Variants in SLC24A2 observed in about 807,000 individuals in gnomAD.
The protein encoded by SLC24A2 is solute carrier family 24 member 2.
In SLC24A2, 36 loss-of-function variants were observed where a neutral mutation model predicts 62.0. That is an observed-to-expected ratio of 0.58 (90% CI 0.44 to 0.77). The LOEUF is 0.77. Ranked by LOEUF, SLC24A2 falls within the 30% of genes least tolerant of loss-of-function variation. The pLI, the probability that SLC24A2 is intolerant of heterozygous loss-of-function variation, is 0.00. For missense variants in SLC24A2, 846 were observed against 817.9 expected (o/e 1.03, Z -0.42); for synonymous variants, 358 against 294.0 (o/e 1.22, Z -2.23).
chr9:20,101,898 A>C, the SLC24A2 span, among the ~76,000 whole-genome samples: 8,863 of 152,260 alleles, frequency 0.058, 371 homozygotes, highest in Middle Eastern at 0.12. Flanking sequence ...CAAACACTGG[A>C]GCCTAGGCCT....
At chr9:19,551,055 G>A (rs956986946) in intron 7 of SLC24A2, among the ~76,000 whole-genome samples, 3 of 152,000 alleles carry the variant, frequency 2.0e-5, no homozygotes, top group Non-Finnish European at 4.4e-5. Flanking sequence ...GTCTCCTAAG[G>A]AACATTAGGA....
intron 2 of SLC24A2, among the ~76,000 whole-genome samples, chr9:19,630,626 ACCAT>A (rs1818154795): frequency 3.3e-5 from 5 of 152,170 alleles, no homozygotes; most frequent in African/African-American, 1.2e-4. Flanking sequence ...TATCAACGGT[ACCAT>A]ATCAGTACCT....
At chr9:19,884,990 A>C in the SLC24A2 span, among the ~76,000 whole-genome samples, 1 of 152,194 alleles carries the variant, frequency 6.6e-6, no homozygotes, top group South Asian at 2.1e-4. Context: ...AGAGTGGACA[A>C]GGTTGGATGG....
chr9:20,061,568 T>G, the SLC24A2 span, among the ~76,000 whole-genome samples: 1 of 152,202 alleles, frequency 6.6e-6, no homozygotes, highest in African/African-American at 2.4e-5. Flanking sequence ...ATTACAGGCA[T>G]GACCCACTGC....
intron 2 of SLC24A2, among the ~76,000 whole-genome samples, chr9:19,779,724 G>T (rs138529387): frequency 9.2e-5 from 14 of 152,268 alleles, no homozygotes; most frequent in African/African-American, 3.1e-4. Flanking sequence ...TAATTTATGA[G>T]GCTTAAAAAA....
At chr9:19,738,716 A>G (rs1193637968) in intron 2 of SLC24A2, among the ~76,000 whole-genome samples, 1 of 152,182 alleles carries the variant, frequency 6.6e-6, no homozygotes, top group African/African-American at 2.4e-5. Context: ...GTTGTTTCCA[A>G]CTCTTGGCTA....
the SLC24A2 span, among the ~76,000 whole-genome samples, chr9:20,255,030 C>T: frequency 1.8e-4 from 27 of 152,138 alleles, no homozygotes; most frequent in Admixed American, 6.5e-5. Context: ...AAGGTCCTTC[C>T]CATTACACAT....
At chr9:19,647,068 GCA>G (rs142480390) in intron 2 of SLC24A2, among the ~76,000 whole-genome samples, 3,819 of 79,940 alleles carry the variant, frequency 0.048, 71 homozygotes, top group African/African-American at 0.11. Flanking sequence ...ACACACGCGC[GCA>G]CACACACACA....
the SLC24A2 span, among the ~76,000 whole-genome samples, chr9:20,003,239 A>G: frequency 4.8e-3 from 736 of 152,316 alleles, 39 homozygotes; most frequent in South Asian, 0.11. Flanking sequence ...AACTATGCCC[A>G]TGACCACAGG....
the SLC24A2 span, among the ~76,000 whole-genome samples, chr9:20,101,699 A>G: frequency 2.0e-5 from 3 of 152,314 alleles, no homozygotes; most frequent in East Asian, 5.8e-4. Context: ...AGGACATTAT[A>G]ACTGCTGATG....
the SLC24A2 span, among the ~76,000 whole-genome samples, chr9:20,002,105 A>G: frequency 6.6e-6 from 1 of 152,214 alleles, no homozygotes; most frequent in Non-Finnish European, 1.5e-5. Context: ...TGATGAATCC[A>G]CAAGGATTGT....
chr9:19,959,230 A>G, the SLC24A2 span, among the ~76,000 whole-genome samples: 1 of 152,212 alleles, frequency 6.6e-6, no homozygotes, highest in Non-Finnish European at 1.5e-5. Context: ...GGAAAGAAGA[A>G]AAGACAATGT....
the SLC24A2 span, among the ~76,000 whole-genome samples, chr9:20,178,165 A>G: frequency 6.6e-6 from 1 of 152,210 alleles, no homozygotes; most frequent in Non-Finnish European, 1.5e-5. Context: ...TGAACTGTTC[A>G]GAGTGAAACC....
At chr9:20,275,821 C>T in the SLC24A2 span, among the ~76,000 whole-genome samples, 5 of 152,156 alleles carry the variant, frequency 3.3e-5, no homozygotes, top group Admixed American at 2.6e-4. Context: ...GAAGGAGGAG[C>T]AAAGGCACAT....
the SLC24A2 span, among the ~76,000 whole-genome samples, chr9:19,978,818 C>T: frequency 6.6e-6 from 1 of 151,874 alleles, no homozygotes. Flanking sequence ...AAGAAAGGAA[C>T]AAAGCTAGAA....
chr9:19,707,725 C>G (rs1256773165), intron 2 of SLC24A2, among the ~76,000 whole-genome samples: 1 of 152,154 alleles, frequency 6.6e-6, no homozygotes. Context: ...TTAAAACTCT[C>G]AATAAATTAG....
chr9:20,297,207 A>G, the SLC24A2 span, among the ~76,000 whole-genome samples: 2 of 152,186 alleles, frequency 1.3e-5, no homozygotes, highest in Non-Finnish European at 2.9e-5. Context: ...TGTGCCAGTC[A>G]GACTGTCCAG....
chr9:20,019,155 A>AAGAAAGAAAGAAAGAGAGAG, the SLC24A2 span, among the ~76,000 whole-genome samples: 30 of 117,184 alleles, frequency 2.6e-4, no homozygotes, highest in Non-Finnish European at 3.9e-4. Context: ...GAAAGAAAGA[A>AAGAAAGAAAGAAAGAGAGAG]AGAGAGAGAG....
intron 2 of SLC24A2, among the ~76,000 whole-genome samples, chr9:19,683,194 G>A (rs141640250): frequency 2.0e-5 from 3 of 152,164 alleles, no homozygotes; most frequent in Middle Eastern, 3.4e-3. Flanking sequence ...CTGTAAGTGC[G>A]GCGAGGTAAA....
Sources: gnomAD v4.1 joint callset for allele counts (sites outside exome capture counted in the v4.1 genomes callset) on GRCh38, gnomAD v4.1.1 for gene constraint, MANE v1.5 for transcripts, NCBI Gene and HGNC (gene_info 2026-07-23, HGNC 2026-07-21) for gene names.